Variants in THRB observed in about 807,000 individuals in gnomAD.
The protein encoded by THRB is nuclear receptor subfamily 1 group A member 2.
THRB carries 12 observed loss-of-function variants against 47.8 expected under a neutral mutation model. That is an observed-to-expected ratio of 0.25 (90% CI 0.16 to 0.41). THRB has a LOEUF of 0.41. Ranked by LOEUF, THRB falls within the 10% of genes least tolerant of loss-of-function variation. The pLI is 1.00. For synonymous variants in THRB, 218 were observed against 212.2 expected (o/e 1.03, Z -0.24); for missense variants, 348 against 589.2 (o/e 0.59, Z 4.24).
At chr3:24,244,714 G>A (rs191031797) in intron 3 of THRB, among the ~76,000 whole-genome samples, 20 of 152,302 alleles carry the variant, frequency 1.3e-4, no homozygotes, top group Admixed American at 2.0e-4. Context: ...CACAAACAGA[G>A]CTCAAAGTGT....
At chr3:24,209,759 G>GTATA (rs1344654274) in intron 4 of THRB, among the ~76,000 whole-genome samples, 3 of 151,944 alleles carry the variant, frequency 2.0e-5, no homozygotes, top group Admixed American at 6.6e-5. Context: ...CACCAAGATG[G>GTATA]CACATGTATA....
intron 8 of THRB, 105 bp from the exon 9 acceptor site, chr3:24,133,567 C>A: frequency 9.8e-7 from 1 of 1,019,418 alleles, no homozygotes; most frequent in Non-Finnish European, 1.5e-6. Flanking sequence ...ATATCCTGTA[C>A]AGTTTCCAGT....
chr3:24,139,657 A>G (rs1266351384), intron 8 of THRB, among the ~76,000 whole-genome samples: 1 of 152,130 alleles, frequency 6.6e-6, no homozygotes, highest in Non-Finnish European at 1.5e-5. Flanking sequence ...AAGTGCTGAA[A>G]CTGCAGGCAT....
At chr3:24,161,853 C>T (rs913231948) in intron 5 of THRB, among the ~76,000 whole-genome samples, 1 of 137,804 alleles carries the variant, frequency 7.3e-6, no homozygotes, top group Non-Finnish European at 1.6e-5. Flanking sequence ...CCCATCTCCT[C>T]GATCCTGGCT....
At chr3:24,411,589 A>G (rs1367693516) in intron 1 of THRB, among the ~76,000 whole-genome samples, 2 of 151,776 alleles carry the variant, frequency 1.3e-5, no homozygotes, top group Non-Finnish European at 2.9e-5. Flanking sequence ...TAAATGAATA[A>G]AAGTTAAATT....
intron 1 of THRB, among the ~76,000 whole-genome samples, chr3:24,454,198 A>G (rs1449585646): frequency 6.6e-6 from 1 of 152,248 alleles, no homozygotes. Context: ...TTATCGATAC[A>G]TGGTATGACA....
intron 1 of THRB, among the ~76,000 whole-genome samples, chr3:24,457,305 C>T (rs1195338501): frequency 6.6e-6 from 1 of 152,052 alleles, no homozygotes. Context: ...CCTCTTGATC[C>T]CTAAAGGCAT....
At chr3:24,436,527 T>C (rs1351443294) in intron 1 of THRB, among the ~76,000 whole-genome samples, 1 of 152,120 alleles carries the variant, frequency 6.6e-6, no homozygotes, top group Non-Finnish European at 1.5e-5. Flanking sequence ...TTCGAAAAAG[T>C]GTATCTGCTT....
At position 24,208,686 on chromosome 3, in the gene THRB, A is replaced by G. The variant is rs536527634; in HGVS notation, c.23-18352T>C. Among the ~76,000 whole-genome samples the G allele has an allele frequency of 8.1e-3, 1,238 of 152,336 alleles. 13 individuals carry two copies. The highest frequency in any genetic ancestry group is 0.027 in the African/African-American group (1,124 of 41,564). On this transcript the variant is annotated intron_variant, in intron 4 of 10. Coordinates refer to ENST00000646209, the MANE Select transcript of THRB (RefSeq NM_001354712.2). ...ACTGGATCCCTTCCTTACACCTTAT[A>G]CAAAAATTAATTCAAGATGGATTAA... is the stretch of plus-strand genomic sequence containing the variant.
intron 3 of THRB, among the ~76,000 whole-genome samples, chr3:24,285,314 C>T (rs2150903896): frequency 6.6e-6 from 1 of 151,860 alleles, no homozygotes; most frequent in Non-Finnish European, 1.5e-5. Flanking sequence ...CCATAATTCT[C>T]AGTAAACTAT....
At position 24,120,408 on chromosome 3, in the gene THRB, A is replaced by AGT; in HGVS notation, c.*2474_*2475dup. The AGT allele has an allele frequency of 6.6e-6, 1 of 152,230 alleles. No individual in the cohort carries two copies. Among genetic ancestry groups the AGT allele is most frequent in the Admixed American group, 6.5e-5 (1 of 15,288 alleles). The allele number at this position is 152,230 out of a possible 1,614,324, so 9.4% of individuals were successfully genotyped here. A position where few individuals can be genotyped will look rare whatever the true frequency, so the allele number is the denominator to read the frequency against. On this transcript the variant is annotated 3_prime_UTR_variant, in exon 11 of 11. Transcript: ENST00000646209. ...ATTTGGCCAATTCTCGATCATGGTT[A>AGT]GTCCCCAAAGCATTCTGATTTAGCT...
chr3:24,331,774 C>T (rs762968707), intron 2 of THRB, among the ~76,000 whole-genome samples: 4 of 152,132 alleles, frequency 2.6e-5, no homozygotes, highest in African/African-American at 9.7e-5. Context: ...ATTTACTCTA[C>T]AAATTTGATC....
intron 1 of THRB, among the ~76,000 whole-genome samples, chr3:24,381,004 A>T (rs1477842342): frequency 6.6e-6 from 1 of 151,856 alleles, no homozygotes; most frequent in Non-Finnish European, 1.5e-5. Context: ...AGTCCCAGCT[A>T]CTGTGGAGGC....
At chr3:24,190,687 G>C (rs1169583071) in intron 4 of THRB, among the ~76,000 whole-genome samples, 1 of 152,084 alleles carries the variant, frequency 6.6e-6, no homozygotes, top group African/African-American at 2.4e-5. Flanking sequence ...TTGAGGTCTT[G>C]AGGGTCAGGG....
chr3:24,354,122 G>A (rs922028469), intron 1 of THRB, among the ~76,000 whole-genome samples: 2 of 152,136 alleles, frequency 1.3e-5, no homozygotes, highest in Non-Finnish European at 2.9e-5. Flanking sequence ...ACTAACACAG[G>A]AACAGAAAGC....
intron 4 of THRB, among the ~76,000 whole-genome samples, chr3:24,209,514 A>C (rs945979457): frequency 2.0e-5 from 3 of 152,234 alleles, no homozygotes; most frequent in Non-Finnish European, 2.9e-5. Context: ...GGATAAGTTC[A>C]TGTCCTTTGT....
chr3:24,296,644 C>T (rs1355016821), intron 3 of THRB, among the ~76,000 whole-genome samples: 1 of 152,184 alleles, frequency 6.6e-6, no homozygotes, highest in South Asian at 2.1e-4. Flanking sequence ...TGTAAGAGTA[C>T]AGAGAACAGA....
chr3:24,446,560 C>CA (rs755620840), intron 1 of THRB, among the ~76,000 whole-genome samples: 2,314 of 41,382 alleles, frequency 0.056, 60 homozygotes, highest in African/African-American at 0.15. Context: ...AGATCTTTCT[C>CA]AAAAAAAAAA....
chr3:24,229,860 A>C (rs1233868507), intron 3 of THRB, among the ~76,000 whole-genome samples: 3 of 152,196 alleles, frequency 2.0e-5, no homozygotes, highest in African/African-American at 7.2e-5. Flanking sequence ...CTGAAGCCTG[A>C]GGCATGGGCT....
Sources: allele counts gnomAD v4.1 joint callset (sites outside exome capture counted in the v4.1 genomes callset), GRCh38; gene constraint gnomAD v4.1.1; transcripts MANE v1.5; gene names NCBI Gene and HGNC (gene_info 2026-07-23, HGNC 2026-07-21).